The following KCNIP4 variants were observed in gnomAD, a reference collection of about 807,000 sequenced individuals.
KCNIP4 encodes potassium voltage-gated channel interacting protein 4.
KCNIP4 carries 12 observed loss-of-function variants against 34.0 expected under a neutral mutation model. The observed-to-expected ratio is 0.35, with a 90% CI of 0.23 to 0.57. KCNIP4 has a LOEUF of 0.57. Ranked by LOEUF, KCNIP4 falls within the 20% of genes least tolerant of loss-of-function variation. The pLI, the probability that KCNIP4 is intolerant of heterozygous loss-of-function variation, is 0.83. For missense variants in KCNIP4, 238 were observed against 311.7 expected (o/e 0.76, Z 1.78); for synonymous variants, 124 against 102.2 (o/e 1.21, Z -1.29).
At chr4:21,145,947 A>G (rs1439916600) in intron 1 of KCNIP4, among the ~76,000 whole-genome samples, 1 of 152,218 alleles carries the variant, frequency 6.6e-6, no homozygotes, top group Non-Finnish European at 1.5e-5. Context: ...TATTTCTTCT[A>G]TCTTTGTCCT....
intron 1 of KCNIP4, among the ~76,000 whole-genome samples, chr4:21,616,090 G>A (rs1297961739): frequency 1.1e-4 from 16 of 152,060 alleles, no homozygotes; most frequent in Admixed American, 1.0e-3. Context: ...GGCCCTACAA[G>A]CTCTGGCTCC....
At chr4:20,792,352 G>A (rs1347548402) in intron 3 of KCNIP4, among the ~76,000 whole-genome samples, 1 of 151,972 alleles carries the variant, frequency 6.6e-6, no homozygotes, top group East Asian at 1.9e-4. Flanking sequence ...GCAACAGAAC[G>A]AGACTCCATC....
intron 1 of KCNIP4, chr4:20,983,977 A>T: frequency 6.5e-7 from 1 of 1,528,380 alleles, no homozygotes; most frequent in Middle Eastern, 1.7e-4. Flanking sequence ...GAGTGGAGGG[A>T]GTTAATTACA....
chr4:21,154,521 T>C (rs4426775), intron 1 of KCNIP4, among the ~76,000 whole-genome samples: 8 of 152,094 alleles, frequency 5.3e-5, no homozygotes, highest in African/African-American at 1.9e-4. Flanking sequence ...TTCATTCATG[T>C]TGGAACAGTG....
chr4:20,900,644 AG>A (rs1727067744), intron 1 of KCNIP4, among the ~76,000 whole-genome samples: 1 of 152,196 alleles, frequency 6.6e-6, no homozygotes, highest in African/African-American at 2.4e-5. Context: ...CGTTCAGAAA[AG>A]CAGAACCTTC....
chr4:20,788,815 C>T (rs1427458056), intron 3 of KCNIP4, among the ~76,000 whole-genome samples: 1 of 152,004 alleles, frequency 6.6e-6, no homozygotes, highest in Non-Finnish European at 1.5e-5. Flanking sequence ...AAAATTACAC[C>T]TTCTCAGCCA....
intron 1 of KCNIP4, among the ~76,000 whole-genome samples, chr4:21,777,776 AT>A (rs1369992931): frequency 6.6e-6 from 1 of 152,220 alleles, no homozygotes; most frequent in Non-Finnish European, 1.5e-5. Context: ...ATTTGTTTAT[AT>A]TTTTAAACAC....
chr4:21,099,722 T>C (rs1183442242), intron 1 of KCNIP4, among the ~76,000 whole-genome samples: 2 of 152,060 alleles, frequency 1.3e-5, no homozygotes, highest in African/African-American at 4.8e-5. Context: ...AAACTGAAAA[T>C]CTTCTGGAAA....
intron 1 of KCNIP4, among the ~76,000 whole-genome samples, chr4:21,788,933 C>T (rs965320158): frequency 4.0e-5 from 6 of 151,830 alleles, no homozygotes; most frequent in Non-Finnish European, 7.4e-5. Context: ...ATTAGCCAGG[C>T]GTGGCGGCGC....
intron 1 of KCNIP4, among the ~76,000 whole-genome samples, chr4:21,424,849 T>C (rs1289795751): frequency 1.3e-5 from 2 of 152,376 alleles, no homozygotes; most frequent in African/African-American, 4.8e-5. Context: ...AAGACAGTCA[T>C]AGTGCCACAT....
intron 1 of KCNIP4, among the ~76,000 whole-genome samples, chr4:21,194,336 A>T (rs1267909729): frequency 6.6e-6 from 1 of 152,148 alleles, no homozygotes; most frequent in African/African-American, 2.4e-5. Flanking sequence ...CATACACCCT[A>T]CTAGTCTCTG....
At chr4:20,903,740 T>C (rs949691459) in intron 1 of KCNIP4, among the ~76,000 whole-genome samples, 2 of 152,186 alleles carry the variant, frequency 1.3e-5, no homozygotes, top group African/African-American at 4.8e-5. Context: ...TCCTGAGGGC[T>C]GCGTCACGGG....
chr4:21,378,011 A>G (rs1495522), intron 1 of KCNIP4, among the ~76,000 whole-genome samples: 32,214 of 147,474 alleles, frequency 0.22, 4,156 homozygotes, highest in Non-Finnish European at 0.3. Flanking sequence ...CACTAAACCA[A>G]TTTCATCAAT....
In KCNIP4 at chr4:21,147,892, T is replaced by TAG. The variant is rs1343340446; in HGVS notation, c.62-265184_62-265183insCT. On this transcript the variant is annotated intron_variant, in intron 1 of 8. Transcript: ENST00000382152. ...AAGCAGATGTTGCAGTGAGCCAAGA[T>TAG]CACGCCACTACACTCCAGCCTGGAC... 2.2e-3 allele frequency among the ~76,000 whole-genome samples: 250 copies of TAG among 115,520 alleles called. 2 individuals are homozygous for TAG. The highest frequency in any genetic ancestry group is 7.9e-3 in the African/African-American group (232 of 29,342). 75.8% of individuals were successfully genotyped at this position (115,520 alleles called of 152,430 possible).
At chr4:21,762,796 A>C (rs1440735862) in intron 1 of KCNIP4, 3 of 563,630 alleles carry the variant, frequency 5.3e-6, no homozygotes, top group Non-Finnish European at 8.0e-6. Flanking sequence ...TCCAGTCATG[A>C]CTCTTCTTTA....
chr4:21,280,921 T>TTTATGTTGTTATTTAATTAAATA (rs1286903837), intron 1 of KCNIP4, among the ~76,000 whole-genome samples: 2 of 152,078 alleles, frequency 1.3e-5, no homozygotes, highest in Non-Finnish European at 2.9e-5. Flanking sequence ...ATGTGAATGC[T>TTTATGTTGTTATTTAATTAAATA]CCAGTCATTA....
intron 5 of KCNIP4, among the ~76,000 whole-genome samples, chr4:20,736,982 A>G (rs1169075822): frequency 6.6e-6 from 1 of 152,222 alleles, no homozygotes; most frequent in East Asian, 1.9e-4. Context: ...AATAGAATTG[A>G]GTCTAGATAT....
At chr4:20,990,182 G>A (rs7683701) in intron 1 of KCNIP4, among the ~76,000 whole-genome samples, 139 of 151,956 alleles carry the variant, frequency 9.1e-4, no homozygotes, top group Non-Finnish European at 1.7e-3. Context: ...TTATCTACCC[G>A]CAGGTGCCCT....
At chr4:20,849,126 A>T in intron 3 of KCNIP4, among the ~76,000 whole-genome samples, 1 of 152,178 alleles carries the variant, frequency 6.6e-6, no homozygotes, top group Non-Finnish European at 1.5e-5. Flanking sequence ...ATTTGTATGT[A>T]TTGTCTTGAT....
Sources: gnomAD v4.1 joint callset for allele counts (sites outside exome capture counted in the v4.1 genomes callset) on GRCh38, gnomAD v4.1.1 for gene constraint, MANE v1.5 for transcripts, NCBI Gene and HGNC (gene_info 2026-07-23, HGNC 2026-07-21) for gene names.